Variants in ACSM4 observed in about 807,000 individuals in gnomAD.
ACSM4 encodes acyl-coenzyme A synthetase ACSM4, mitochondrial.
In ACSM4, 66 loss-of-function variants were observed where a neutral mutation model predicts 73.0. The ratio of observed to expected loss-of-function variants is 0.90; its 90% CI spans 0.74 to 1.11. The LOEUF (loss-of-function observed/expected upper bound fraction) is 1.11, where lower values mean the gene tolerates loss of function less well. ACSM4 is among the 50% of genes least tolerant of loss of function. ACSM4 has a pLI of 0.00. For missense variants in ACSM4, 645 were observed against 714.4 expected, an observed-to-expected ratio of 0.90 and a Z score of 1.11; for synonymous variants, 222 against 254.0, an observed-to-expected ratio of 0.87 and a Z score of 1.20.
At chr12:7,317,381 T>C in intron 4 of ACSM4, 101 bp downstream of exon 4, 1 of 1,399,346 alleles carries the variant, frequency 7.1e-7, no homozygotes, top group Admixed American at 2.9e-5. Context: ...TATAAGATAT[T>C]GGCAATTATA....
intron 2 of ACSM4, among the ~76,000 whole-genome samples, chr12:7,308,566 T>G (rs1452415660): frequency 6.6e-6 from 1 of 152,216 alleles, no homozygotes; most frequent in African/African-American, 2.4e-5. Flanking sequence ...ACCCTGAATT[T>G]AGAGGTCTAC....
chr12:7,306,488 A>T, intron 1 of ACSM4, 45 bp from the exon 2 acceptor site: 1 of 1,514,546 alleles, frequency 6.6e-7, no homozygotes, highest in Non-Finnish European at 9.0e-7. Context: ...AAGAGTAATC[A>T]GTCATGTAAA....
chr12:7,310,659 T>A lies in ACSM4; in HGVS notation c.533T>A (p.Ile178Asn). ...SEEVAPAVES[I>N]VLECPDLKTK... ...GAGGTGGCCCCAGCGGTGGAGTCCA[T>A]TGTATTGGAGTGTCCTGACCTTAAG... Residue 178 changes from isoleucine to asparagine, a missense_variant, in exon 3 of 13, where the codon ATT (isoleucine) becomes AAT (asparagine). Physicochemically the swap from Ile to Asn is moderately radical, Grantham distance 149. Transcript: ENST00000399422. 1.9e-6 allele frequency: 3 copies of A among 1,613,438 alleles called. No individual in the cohort carries two copies. The highest frequency in any genetic ancestry group is 2.5e-6 in the Non-Finnish European group (3 of 1,179,700).
intron 1 of ACSM4, among the ~76,000 whole-genome samples, chr12:7,304,848 C>T (rs765371399): frequency 5.3e-5 from 8 of 152,248 alleles, no homozygotes; most frequent in South Asian, 2.1e-4. Context: ...ACAGGCTTAT[C>T]GAAAAAGTAG....
At chr12:7,317,748 C>T (rs936351761) in intron 4 of ACSM4, among the ~76,000 whole-genome samples, 3 of 152,132 alleles carry the variant, frequency 2.0e-5, no homozygotes, top group Non-Finnish European at 4.4e-5. Context: ...TAGAACAACG[C>T]CTAGCACATT....
rs757626286 is a variant in ACSM4 at position 7,325,713 on chromosome 12, G to C, written c.1536+1115G>C. Among the ~76,000 whole-genome samples the C allele has an allele frequency of 2.0e-5, 3 of 152,244 alleles. No homozygotes were observed. In the South Asian group the frequency reaches 6.2e-4, roughly 32 times the overall value. On this transcript the variant is annotated intron_variant, in intron 11 of 12. Coordinates refer to ENST00000399422, the MANE Select transcript of ACSM4 (RefSeq NM_001080454.2). Reference sequence around the variant, plus strand: ...CAAACAAGTCTCATGAGCCTATTTAGGATCTAAGGAAAGGGAACTCTGGCA... The same window carrying C: ...CAAACAAGTCTCATGAGCCTATTTACGATCTAAGGAAAGGGAACTCTGGCA...
chr12:7,326,477 TG>T (rs1184840060), intron 11 of ACSM4, among the ~76,000 whole-genome samples: 5 of 152,180 alleles, frequency 3.3e-5, no homozygotes, highest in Non-Finnish European at 7.3e-5. Flanking sequence ...CCCAAAGTCT[TG>T]GGGTTATAGG....
chr12:7,304,608 C>T, intron 1 of ACSM4, 76 bp downstream of exon 1: 1 of 1,472,558 alleles, frequency 6.8e-7, no homozygotes, highest in South Asian at 1.2e-5. Flanking sequence ...GTTCTGTGGT[C>T]TACCACTTAA....
At chr12:7,322,811 G>C (rs922580741) in intron 7 of ACSM4, among the ~76,000 whole-genome samples, 1 of 152,192 alleles carries the variant, frequency 6.6e-6, no homozygotes, top group Non-Finnish European at 1.5e-5. Flanking sequence ...GAACTGAGCA[G>C]CTCATCTTTC....
chr12:7,320,330 A>C (rs918368395), intron 5 of ACSM4, among the ~76,000 whole-genome samples: 1 of 152,232 alleles, frequency 6.6e-6, no homozygotes, highest in African/African-American at 2.4e-5. Flanking sequence ...GAAAGGTCCC[A>C]GTAGGTTAGC....
intron 1 of ACSM4, among the ~76,000 whole-genome samples, chr12:7,305,622 T>A (rs1255910195): frequency 1.3e-5 from 2 of 152,176 alleles, no homozygotes; most frequent in East Asian, 3.9e-4. Flanking sequence ...CAGTCCCTGA[T>A]CTTTACAGAG....
intron 10 of ACSM4, 47 bp downstream of exon 10, chr12:7,324,447 G>A (rs1414277651): frequency 1.9e-6 from 3 of 1,613,928 alleles, no homozygotes; most frequent in Non-Finnish European, 2.5e-6. Context: ...GACAGGGAGG[G>A]AGATCTCTAA....
At chr12:7,307,450 A>AT in intron 2 of ACSM4, among the ~76,000 whole-genome samples, 1 of 152,322 alleles carries the variant, frequency 6.6e-6, no homozygotes, top group South Asian at 2.1e-4. Context: ...TTCTCTGAAT[A>AT]TATTTGGATT....
intron 5 of ACSM4, 156 bp downstream of exon 5, chr12:7,318,338 C>T (rs1422715739): frequency 3.6e-5 from 32 of 887,414 alleles, no homozygotes; most frequent in Non-Finnish European, 4.9e-5. Flanking sequence ...GCTTTTGAAA[C>T]GTATTTGACA....
chr12:7,306,775 C>G, intron 2 of ACSM4, 32 bp downstream of exon 2: 1 of 1,532,764 alleles, frequency 6.5e-7, no homozygotes, highest in Non-Finnish European at 8.8e-7. Context: ...CTAAATCACA[C>G]AAACACAGAG....
intron 2 of ACSM4, among the ~76,000 whole-genome samples, chr12:7,308,981 A>G (rs1466431590): frequency 1.3e-5 from 2 of 152,174 alleles, no homozygotes; most frequent in Non-Finnish European, 2.9e-5. Context: ...ATATACTGGG[A>G]TTAATTTTAA....
chr12:7,326,851 G>A (rs1184955555), intron 11 of ACSM4, 125 bp from the exon 12 acceptor site: 1 of 1,066,632 alleles, frequency 9.4e-7, no homozygotes, highest in Admixed American at 3.2e-5. Flanking sequence ...GGTAACCTCT[G>A]GCATTTGCAG....
At chr12:7,314,583 T>C (rs1453390791) in intron 3 of ACSM4, among the ~76,000 whole-genome samples, 2 of 151,838 alleles carry the variant, frequency 1.3e-5, no homozygotes, top group Non-Finnish European at 2.9e-5. Flanking sequence ...AATAGATAGA[T>C]GAAAGATAGG....
At position 7,310,690 on chromosome 12, in the gene ACSM4, ACTC is replaced by A; in HGVS notation, c.567_569del (p.Leu190del). 6.2e-7 allele frequency: 1 copy of A among 1,613,230 alleles called. No homozygotes were observed. The highest frequency in any genetic ancestry group is 8.5e-7 in the Non-Finnish European group (1 of 1,179,698). On this transcript the variant is annotated inframe_deletion, in exon 3 of 13. Transcript: ENST00000399422. ...TGGAGTGTCCTGACCTTAAGACAAA[ACTC>A]CTGGTGTCTCCACAAAGCTGGAATG...
Sources: allele counts gnomAD v4.1 joint callset (sites outside exome capture counted in the v4.1 genomes callset), GRCh38; gene constraint gnomAD v4.1.1; transcripts MANE v1.5; gene names NCBI Gene and HGNC (gene_info 2026-07-23, HGNC 2026-07-21).